The following INPP5A variants were observed in gnomAD, a reference collection of about 807,000 sequenced individuals.
INPP5A encodes 43 kDa inositol polyphosphate 5-phophatase.
INPP5A carries 14 observed loss-of-function variants against 65.2 expected under a neutral mutation model. The observed-to-expected ratio is 0.21, with a 90% confidence interval of 0.14 to 0.34. The LOEUF (loss-of-function observed/expected upper bound fraction) is 0.34. Among genes scored for constraint, INPP5A ranks in the 10% least tolerant of loss-of-function variants. The probability of loss-of-function intolerance (pLI) is 1.00; values close to 1 mark genes in which losing one functional copy is unlikely to be tolerated. For synonymous variants in INPP5A, 207 were observed against 208.3 expected (o/e 0.99, Z 0.05); for missense variants, 431 against 545.6 (o/e 0.79, Z 2.09).
chr10:132,648,515 TTC>T (rs2072529722), intron 3 of INPP5A, among the ~76,000 whole-genome samples: 1 of 152,248 alleles, frequency 6.6e-6, no homozygotes, highest in South Asian at 2.1e-4. Context: ...TCTGGCACCC[TTC>T]TCTCTCTGCC....
At chr10:132,680,520 C>T (rs976116977) in intron 4 of INPP5A, among the ~76,000 whole-genome samples, 1 of 152,270 alleles carries the variant, frequency 6.6e-6, no homozygotes, top group Non-Finnish European at 1.5e-5. Context: ...AGCCCTCGCT[C>T]GCTCTCGGCG....
chr10:132,668,770 G>A (rs1284478666), intron 4 of INPP5A, among the ~76,000 whole-genome samples: 1 of 152,124 alleles, frequency 6.6e-6, no homozygotes, highest in African/African-American at 2.4e-5. Context: ...AATAGCTCAG[G>A]GGGCTTCAGC....
intron 9 of INPP5A, among the ~76,000 whole-genome samples, chr10:132,731,940 G>T (rs891022012): frequency 5.3e-5 from 8 of 152,212 alleles, no homozygotes; most frequent in African/African-American, 1.7e-4. Context: ...ACCCAGGGGA[G>T]CCCCTGTCTA....
chr10:132,780,781 A>G (rs1019528343), intron 13 of INPP5A, 68 bp from the exon 14 acceptor site: 30 of 1,249,480 alleles, frequency 2.4e-5, no homozygotes, highest in Non-Finnish European at 3.2e-5. Flanking sequence ...TGTTCCTGCC[A>G]GTCAGCTCCC....
chr10:132,607,030 C>T (rs568799587), intron 1 of INPP5A, among the ~76,000 whole-genome samples: 19 of 152,312 alleles, frequency 1.2e-4, no homozygotes, highest in African/African-American at 2.6e-4. Flanking sequence ...GCTTCCTGAG[C>T]GTGGGCGGCT....
chr10:132,626,400 G>T (rs1279147946), intron 2 of INPP5A, among the ~76,000 whole-genome samples: 3 of 152,220 alleles, frequency 2.0e-5, no homozygotes, highest in African/African-American at 7.2e-5. Context: ...TGTGTTGAAG[G>T]CTTCAAGGAG....
At chr10:132,599,670 C>A (rs1439592714) in intron 1 of INPP5A, among the ~76,000 whole-genome samples, 1 of 152,270 alleles carries the variant, frequency 6.6e-6, no homozygotes, top group African/African-American at 2.4e-5. Flanking sequence ...CCACATTACC[C>A]TTCTGCACTG....
At chr10:132,618,668 C>T (rs1279162102) in intron 2 of INPP5A, among the ~76,000 whole-genome samples, 6 of 152,122 alleles carry the variant, frequency 3.9e-5, no homozygotes, top group East Asian at 3.8e-4. Flanking sequence ...GCTCACGGTT[C>T]GCAGGATGTG....
Position 132,537,845 on chromosome 10 carries a change from C to T in INPP5A, c.-252C>T, listed in dbSNP as rs1232151952. The T allele has an allele frequency of 1.1e-5, 4 of 357,646 alleles. No individual in the cohort carries two copies. Among genetic ancestry groups the T allele is most frequent in the Non-Finnish European group, 2.0e-5 (4 of 199,984 alleles). 22.2% of individuals were successfully genotyped at this position (357,646 alleles called of 1,614,324 possible). A position where few individuals can be genotyped will look rare whatever the true frequency, so the allele number is the denominator to read the frequency against. ...GGAACTTTCCCAGCGGATCTAATGG[C>T]TGCGCGCGGGCCGCTGTGAGGCGCG... On this transcript the variant is annotated 5_prime_UTR_variant, in exon 1 of 16. Coordinates refer to ENST00000368594, the MANE Select transcript of INPP5A (RefSeq NM_005539.5).
chr10:132,671,714 A>C (rs2072895034), intron 4 of INPP5A, among the ~76,000 whole-genome samples: 1 of 152,336 alleles, frequency 6.6e-6, no homozygotes, highest in East Asian at 1.9e-4. Flanking sequence ...CATGTGCCTT[A>C]CATGTGCCAC....
At position 132,571,003 on chromosome 10, in the gene INPP5A, C is replaced by G. The variant is rs145862414; in HGVS notation, c.75+32832C>G. The stretch of plus-strand genomic sequence containing the variant: ...TGAAAACGAGGCACTCCCTCCCCAC[C>G]ACAGCCTACTCCCGTGGGTTCGGGG... On this transcript the variant is annotated intron_variant, in intron 1 of 15. Transcript: ENST00000368594. Among the ~76,000 whole-genome samples the G allele has an allele frequency of 5.3e-3, 805 of 152,348 alleles. 8 individuals carry two copies. The highest frequency in any genetic ancestry group is 0.018 in the African/African-American group (750 of 41,584).
At chr10:132,729,435 C>T (rs940165270) in intron 9 of INPP5A, among the ~76,000 whole-genome samples, 2 of 152,188 alleles carry the variant, frequency 1.3e-5, no homozygotes, top group East Asian at 1.9e-4. Flanking sequence ...CACGGCAGCT[C>T]CTGCCCAGGT....
At chr10:132,760,921 G>C (rs933668783) in intron 11 of INPP5A, among the ~76,000 whole-genome samples, 1 of 152,252 alleles carries the variant, frequency 6.6e-6, no homozygotes, top group Non-Finnish European at 1.5e-5. Flanking sequence ...AACGCGGGGA[G>C]AGGGACCCAC....
rs1042904280 is a variant in INPP5A at position 132,538,870 on chromosome 10, T to G, written c.75+699T>G. On this transcript the variant is annotated intron_variant, in intron 1 of 15. Transcript: ENST00000368594. This position sits in a 1 kb window ranked among gnomAD's most constrained non-coding sequence, Gnocchi z 4.1. Reference sequence around the variant, plus strand: ...AGCCCTAGAATCCCAGCCTTCATACTGTGGCCCTTTGCCTCTAAAGCCAAT... The same window carrying G: ...AGCCCTAGAATCCCAGCCTTCATACGGTGGCCCTTTGCCTCTAAAGCCAAT... Among the ~76,000 whole-genome samples the G allele has an allele frequency of 1.3e-5, 2 of 152,192 alleles. No homozygotes were observed. Among genetic ancestry groups the G allele is most frequent in the Non-Finnish European group, 2.9e-5 (2 of 68,030 alleles).
intron 4 of INPP5A, among the ~76,000 whole-genome samples, chr10:132,653,432 T>C (rs571243866): frequency 1.3e-5 from 2 of 152,226 alleles, no homozygotes; most frequent in Non-Finnish European, 2.9e-5. Flanking sequence ...TCTGGGCATC[T>C]GCACCTGGCT....
In INPP5A at chr10:132,752,902, G is replaced by A. The variant is rs528706798; in HGVS notation, c.903+3057G>A. The stretch of plus-strand genomic sequence containing the variant: ...AATATTTGAGAGAACTTTTGGATTT[G>A]GTTCTGAATGAAAACACGCTGTGGG... On this transcript the variant is annotated intron_variant, in intron 11 of 15. Coordinates refer to ENST00000368594, the MANE Select transcript of INPP5A (RefSeq NM_005539.5). Among the ~76,000 whole-genome samples the A allele has an allele frequency of 1.6e-4, 24 of 152,258 alleles. No individual in the cohort carries two copies. The East Asian group carries it at 3.5e-3, about 22-fold the overall frequency.
rs568588828 is a variant in INPP5A, at chr10:132,647,192, T to C, written c.218+1224T>C. On this transcript the variant is annotated intron_variant, in intron 3 of 15. Transcript: ENST00000368594. ...GTGCAGTGGCGTGATCTGAGCTCAC[T>C]GCAAGCACCGCCTCCTGGATTCATG... 2.0e-5 allele frequency among the ~76,000 whole-genome samples: 3 copies of C among 151,914 alleles called. No individual in the cohort carries two copies. The East Asian group carries it at 5.8e-4, about 29-fold the overall frequency.
intron 11 of INPP5A, among the ~76,000 whole-genome samples, chr10:132,757,667 G>T (rs1427953085): frequency 6.6e-6 from 1 of 152,256 alleles, no homozygotes; most frequent in Non-Finnish European, 1.5e-5. Context: ...GCTATTGAGG[G>T]CTGGACCACA....
At chr10:132,563,481 CT>C (rs1463996284) in intron 1 of INPP5A, among the ~76,000 whole-genome samples, 2 of 152,142 alleles carry the variant, frequency 1.3e-5, no homozygotes. Flanking sequence ...AAACCTATTG[CT>C]TTATGTCTTA....
Sources: allele counts gnomAD v4.1 joint callset (sites outside exome capture counted in the v4.1 genomes callset), GRCh38; gene constraint gnomAD v4.1.1; non-coding constraint Gnocchi (gnomAD v3.1); transcripts MANE v1.5; gene names NCBI Gene and HGNC (gene_info 2026-07-23, HGNC 2026-07-21).